Variants in LYST observed in about 807,000 individuals in gnomAD.
The protein encoded by LYST is lysosomal-trafficking regulator.
LYST carries 192 observed loss-of-function variants against 413.6 expected under a neutral mutation model. The ratio of observed to expected loss-of-function variants is 0.46; its 90% CI spans 0.41 to 0.52. The LOEUF is 0.52. Among genes scored for constraint, LYST ranks in the 20% least tolerant of loss-of-function variants. The pLI, the probability that LYST is intolerant of heterozygous loss-of-function variation, is 0.00. For missense variants in LYST, 3,815 were observed against 4,499.9 expected, an observed-to-expected ratio of 0.85 and a Z score of 4.35; for synonymous variants, 1,525 against 1,567.3, an observed-to-expected ratio of 0.97 and a Z score of 0.64.
chr1:235,729,242 T>C (rs1185387841), intron 37 of LYST, among the ~76,000 whole-genome samples: 1 of 152,208 alleles, frequency 6.6e-6, no homozygotes, highest in Non-Finnish European at 1.5e-5. Flanking sequence ...GACATATTTC[T>C]TATGGACAGT....
At chr1:235,810,641 C>T (rs1558286634) in intron 4 of LYST, 107 bp from the exon 5 acceptor site, 2 of 1,020,206 alleles carry the variant, frequency 2.0e-6, no homozygotes, top group Non-Finnish European at 2.9e-6. Context: ...GGAGTTTATC[C>T]TCAATGTATT....
At chr1:235,762,621 G>T in intron 22 of LYST, 99 bp downstream of exon 22, 2 of 1,218,662 alleles carry the variant, frequency 1.6e-6, no homozygotes, top group Non-Finnish European at 2.4e-6. Context: ...ATTGAATGAG[G>T]TTGTACTACA....
At chr1:235,869,026 G>A (rs1055664711), upstream of LYST, among the ~76,000 whole-genome samples, 1 of 152,102 alleles carries the variant, frequency 6.6e-6, no homozygotes, top group African/African-American at 2.4e-5. Context: ...AGCTACTGCA[G>A]TATGTATTTT....
At chr1:235,801,960 C>T (rs995825198) in intron 8 of LYST, among the ~76,000 whole-genome samples, 1 of 152,094 alleles carries the variant, frequency 6.6e-6, no homozygotes, top group East Asian at 1.9e-4. Flanking sequence ...CTTTGGGAGG[C>T]CGAGGCGGGT....
intron 1 of LYST, among the ~76,000 whole-genome samples, chr1:235,835,266 AAAATTATGGAAGGG>A (rs893263604): frequency 1.1e-4 from 16 of 152,184 alleles, no homozygotes; most frequent in African/African-American, 3.9e-4. Flanking sequence ...AAAATAAAAT[AAAATTATGGAAGGG>A]AAATTATGGA....
intron 50 of LYST, 60 bp downstream of exon 50, chr1:235,677,031 T>C: frequency 3.3e-6 from 4 of 1,227,244 alleles, no homozygotes; most frequent in Admixed American, 1.7e-5. Context: ...GAGTAACCAC[T>C]GGCCGAATGC....
chr1:235,682,523 AGAAAG>A (rs1659903321), intron 48 of LYST, among the ~76,000 whole-genome samples: 1 of 152,224 alleles, frequency 6.6e-6, no homozygotes. Context: ...GTGGGAGATA[AGAAAG>A]GAAAGTATCA....
At position 235,752,187 on chromosome 1, in the gene LYST, A is replaced by G; in HGVS notation, c.7461-16T>C. 4 of 1,577,092 alleles carry G rather than the reference A, an allele frequency of 2.5e-6. No homozygotes were observed. Among genetic ancestry groups the G allele is most frequent in the Non-Finnish European group, 3.5e-6 (4 of 1,148,546 alleles). On this transcript the variant is annotated splice_polypyrimidine_tract_variant and intron_variant, in intron 26 of 52. Coordinates refer to ENST00000389793, the MANE Select transcript of LYST (RefSeq NM_000081.4). ...CATGGGAATGCTAAAGATAACAACA[A>G]AAGAAGAAAACAGAACATTTATAAG...
intron 3 of LYST, chr1:235,828,654 T>C (rs149420572): frequency 3.0e-4 from 136 of 448,532 alleles, no homozygotes; most frequent in African/African-American, 2.8e-3. Context: ...ATTAGAGTCA[T>C]TCCTCGATAT....
rs577686607 is a variant in LYST, at chr1:235,829,999, A to G, written c.192+227T>C. The G allele has an allele frequency of 5.6e-4, 285 of 511,062 alleles. 7 individuals are homozygous for G. The South Asian group carries it at 6.3e-3, about 11-fold the overall frequency. The allele number at this position is 511,062 out of a possible 1,614,324, so 31.7% of individuals were successfully genotyped here. A position where few individuals can be genotyped will look rare whatever the true frequency, so the allele number is the denominator to read the frequency against. On this transcript the variant is annotated intron_variant, in intron 3 of 52. Coordinates refer to ENST00000389793, the MANE Select transcript of LYST (RefSeq NM_000081.4). ...CGATAAAAAGCATAGTATATATGAAACCATTTAGTTCTTAGGCAATTCATA... is the reference window on the plus strand; with the variant it reads ...CGATAAAAAGCATAGTATATATGAAGCCATTTAGTTCTTAGGCAATTCATA...
intron 50 of LYST, among the ~76,000 whole-genome samples, chr1:235,672,966 C>T (rs1018663806): frequency 6.6e-6 from 1 of 152,180 alleles, no homozygotes; most frequent in African/African-American, 2.4e-5. Flanking sequence ...ACCCCTCAAA[C>T]TCCCAGTTCA....
intron 1 of LYST, among the ~76,000 whole-genome samples, chr1:235,853,706 C>A (rs1483942479): frequency 6.6e-6 from 1 of 152,068 alleles, no homozygotes; most frequent in Non-Finnish European, 1.5e-5. Context: ...GGGGCGCTGA[C>A]CTAGGGAGGA....
chr1:235,749,234 CT>C (rs1034207804), intron 28 of LYST, among the ~76,000 whole-genome samples: 1 of 152,098 alleles, frequency 6.6e-6, no homozygotes, highest in Non-Finnish European at 1.5e-5. Flanking sequence ...AGCCAATATA[CT>C]TTTGAAGATA....
chr1:235,842,281 G>A (rs1404768897), intron 1 of LYST, among the ~76,000 whole-genome samples: 1 of 152,044 alleles, frequency 6.6e-6, no homozygotes, highest in Non-Finnish European at 1.5e-5. Flanking sequence ...AATCAAGGAA[G>A]TGTGGATCTC....
chr1:235,717,459 C>T (rs747220662), intron 40 of LYST, among the ~76,000 whole-genome samples: 14 of 152,120 alleles, frequency 9.2e-5, no homozygotes, highest in Non-Finnish European at 1.6e-4. Context: ...AATTCTCATC[C>T]CTCCAGGAAT....
chr1:235,663,928 C>A (rs143217805), intron 52 of LYST, 56 bp downstream of exon 52: 41 of 1,418,380 alleles, frequency 2.9e-5, no homozygotes, highest in Non-Finnish European at 3.7e-5. Context: ...TACCTCTCTA[C>A]GAAAAATACA....
At chr1:235,796,252 GAT>G (rs1671545706) in intron 10 of LYST, among the ~76,000 whole-genome samples, 1 of 152,020 alleles carries the variant, frequency 6.6e-6, no homozygotes, top group South Asian at 2.1e-4. Context: ...AGCAATGAAA[GAT>G]AGAATAGACA....
At chr1:235,741,104 T>C (rs956848369) in intron 31 of LYST, among the ~76,000 whole-genome samples, 4 of 152,242 alleles carry the variant, frequency 2.6e-5, no homozygotes, top group Non-Finnish European at 5.9e-5. Context: ...GGTAATATAA[T>C]GCTTTTTTAA....
rs556121452 is a variant in LYST at position 235,684,980 on chromosome 1, C to T, written c.10800+1969G>A. Among the ~76,000 whole-genome samples the T allele has an allele frequency of 2.6e-5, 4 of 152,172 alleles. No individual in the cohort carries two copies. In the South Asian group the frequency reaches 8.3e-4, roughly 32 times the overall value. On this transcript the variant is annotated intron_variant, in intron 48 of 52. Transcript: ENST00000389793. Reference sequence around the variant, plus strand: ...TGGCATATAAGAACCTCATCACTGGCCTCAATCTTTTCCTGCCCTGCTTTT... The same window carrying T: ...TGGCATATAAGAACCTCATCACTGGTCTCAATCTTTTCCTGCCCTGCTTTT...
Sources: allele counts gnomAD v4.1 joint callset (sites outside exome capture counted in the v4.1 genomes callset), GRCh38; gene constraint gnomAD v4.1.1; transcripts MANE v1.5; gene names NCBI Gene and HGNC (gene_info 2026-07-23, HGNC 2026-07-21).